Variants in LRP1 observed in about 807,000 individuals in gnomAD.
LRP1 encodes LDL receptor related protein 1, also known as prolow-density lipoprotein receptor-related protein 1.
In LRP1, 51 loss-of-function variants were observed where a neutral mutation model predicts 541.5. The observed-to-expected ratio is 0.09, with a 90% CI of 0.08 to 0.12. LRP1 has a LOEUF of 0.12. LRP1 is among the 10% of genes least tolerant of loss of function. LRP1 has a pLI of 1.00. For missense variants in LRP1, 3,878 were observed against 6,376.2 expected, an observed-to-expected ratio of 0.61 and a Z score of 13.34; for synonymous variants, 2,219 against 2,470.8, an observed-to-expected ratio of 0.90 and a Z score of 3.02.
chr12:57,171,376 A>G (rs1309579581), intron 20 of LRP1, among the ~76,000 whole-genome samples: 1 of 152,140 alleles, frequency 6.6e-6, no homozygotes, highest in Non-Finnish European at 1.5e-5. Context: ...TGGGGATGGC[A>G]TGGTCCGGAG....
chr12:57,211,678 C>A lies in LRP1; in HGVS notation c.13194-72C>A, dbSNP rs866935086. 10 of 1,274,704 alleles carry A rather than the reference C, an allele frequency of 7.8e-6. No homozygotes were observed. Among genetic ancestry groups the A allele is most frequent in the South Asian group, 4.8e-5 (4 of 83,308 alleles). 79.0% of individuals were successfully genotyped at this position (1,274,704 alleles called of 1,614,324 possible). A position where few individuals can be genotyped will look rare whatever the true frequency, so the allele number is the denominator to read the frequency against. ...GGACCGTCAGGCCTCAGTGCCCACC[C>A]CCCGCCCTGTTTTCCTGGCAGCAGT... On this transcript the variant is annotated intron_variant, in intron 85 of 88. Coordinates refer to ENST00000243077, the MANE Select transcript of LRP1 (RefSeq NM_002332.3). The surrounding 1 kb of genome is among the most constrained non-coding windows in gnomAD (Gnocchi z 4.3).
At chr12:57,193,850 C>T in intron 47 of LRP1, 49 bp from the exon 48 acceptor site, 1 of 1,597,516 alleles carries the variant, frequency 6.3e-7, no homozygotes, top group Non-Finnish European at 8.6e-7. Context: ...CCTTCTGGCC[C>T]CCACAGAGAA....
rs946968166 is a variant in LRP1 at position 57,194,870 on chromosome 12, GC to G, written c.8192-108del. On this transcript the variant is annotated intron_variant, in intron 50 of 88. Transcript: ENST00000243077. The stretch of plus-strand genomic sequence containing the variant: ...AGACTCTGCCTCTAGCTGCTGCTGA[GC>G]CCCCCCACAGAGGGGTGCTGTGGGC... The G allele has an allele frequency of 2.3e-4, 268 of 1,164,630 alleles. 1 individual carries two copies. In the Admixed American group the frequency reaches 3.4e-3, roughly 15 times the overall value. 72.1% of individuals were successfully genotyped at this position (1,164,630 alleles called of 1,614,324 possible). A position where few individuals can be genotyped will look rare whatever the true frequency, so the allele number is the denominator to read the frequency against.
Position 57,197,391 on chromosome 12 carries a change from A to G in LRP1, c.9162+7A>G, listed in dbSNP as rs895790149. ...CTACACGTTACTTAAGCAGGTACCA[A>G]ACCCAGGCCCTCCTCCCCGCTGCCC... On this transcript the variant is annotated splice_region_variant and intron_variant, in intron 57 of 88. Coordinates refer to ENST00000243077, the MANE Select transcript of LRP1 (RefSeq NM_002332.3). The surrounding 1 kb of genome is among the most constrained non-coding windows in gnomAD (Gnocchi z 4.5). 1 of 1,611,638 alleles carries G rather than the reference A, an allele frequency of 6.2e-7. No homozygotes were observed. Among genetic ancestry groups the G allele is most frequent in the Non-Finnish European group, 8.5e-7 (1 of 1,178,208 alleles).
intron 1 of LRP1, among the ~76,000 whole-genome samples, chr12:57,136,404 C>CA (rs953524745): frequency 6.7e-6 from 1 of 148,276 alleles, no homozygotes; most frequent in African/African-American, 2.5e-5. Flanking sequence ...AGCCCCCCCC[C>CA]CCCGCCATTT....
rs763369867 is a variant in LRP1 at position 57,198,469 on chromosome 12, C to T, written c.9475C>T (p.Leu3159=). 3.1e-6 allele frequency: 5 copies of T among 1,613,758 alleles called. No homozygotes were observed. In the African/African-American group the frequency reaches 5.3e-5, roughly 17 times the overall value. The part of the protein sequence containing the change: ...ALVVDVQNGY[L]YWTDWGDHSL... ...TCACTGCCTACCCATCGCCAGGTAC[C>T]TGTACTGGACAGACTGGGGTGACCA... Residue 3159 remains leucine (L), a synonymous_variant, in exon 60 of 89, where the codon CTG becomes TTG. Coordinates refer to ENST00000243077, the MANE Select transcript of LRP1 (RefSeq NM_002332.3).
Position 57,160,915 on chromosome 12 carries a change from G to A in LRP1, c.2002G>A (p.Glu668Lys), listed in dbSNP as rs1454535818. 2 of 1,613,882 alleles carry A rather than the reference G, an allele frequency of 1.2e-6. No individual in the cohort carries two copies. Among genetic ancestry groups the A allele is most frequent in the Non-Finnish European group, 1.7e-6 (2 of 1,180,000 alleles). The change falls in exon 13 of 89, where the codon GAG becomes AAG. Residue 668 changes from glutamate to lysine, a missense_variant. Glu to Lys is a moderately conservative substitution (Grantham distance 56). Transcript: ENST00000243077. ...LNGWMYWTDWEEDPKDSRRGR... is the reference protein window; with the variant it reads ...LNGWMYWTDWKEDPKDSRRGR... ...CAGGTGGATGTACTGGACAGACTGGGAGGAGGACCCCAAGGACAGTCGGCG... is the reference window on the plus strand; with the variant it reads ...CAGGTGGATGTACTGGACAGACTGGAAGGAGGACCCCAAGGACAGTCGGCG...
intron 6 of LRP1, among the ~76,000 whole-genome samples, chr12:57,153,576 G>A (rs1270489325): frequency 6.6e-6 from 1 of 152,170 alleles, no homozygotes; most frequent in Non-Finnish European, 1.5e-5. Context: ...AGGACATTGA[G>A]CAATAAGGAC....
At position 57,183,846 on chromosome 12, in the gene LRP1, C is replaced by T. The variant is rs765402939; in HGVS notation, c.5866C>T (p.Arg1956Cys). ...ISRAKRDQTW[R>C]EDVVTNGIGR... Reference sequence around the variant, plus strand: ...CCGGGCCAAGCGGGACCAGACGTGGCGTGAAGACGTGGTGACCAATGGCAT... The same window carrying T: ...CCGGGCCAAGCGGGACCAGACGTGGTGTGAAGACGTGGTGACCAATGGCAT... The change falls in exon 36 of 89, where the codon CGT becomes TGT. Residue 1956 changes from arginine (R) to cysteine (C), a missense_variant. Coordinates refer to ENST00000243077, the MANE Select transcript of LRP1 (RefSeq NM_002332.3). The surrounding 1 kb of genome is among the most constrained non-coding windows in gnomAD (Gnocchi z 6.1). The T allele has an allele frequency of 1.2e-6, 2 of 1,614,130 alleles. No homozygotes were observed. Among genetic ancestry groups the T allele is most frequent in the Non-Finnish European group, 1.7e-6 (2 of 1,180,036 alleles).
In LRP1 at chr12:57,199,399, C is replaced by T. The variant is rs202166796; in HGVS notation, c.9864C>T (p.Asp3288=). 147 of 1,607,310 alleles carry T rather than the reference C, an allele frequency of 9.1e-5. No individual in the cohort carries two copies. Among genetic ancestry groups the T allele is most frequent in the Non-Finnish European group, 7.9e-5 (93 of 1,177,558 alleles). Residue 3288 remains aspartate, a splice_region_variant and synonymous_variant, in exon 61 of 89, where the codon GAC becomes GAT. Transcript: ENST00000243077. ...LHVFHALRQP[D]VPNHPCKVNN... ...TCTTCCATGCCCTGCGCCAGCCAGA[C>T]GGTGAGCAGGCAAGGGGTGGGAGCA...
chr12:57,187,268 C>A lies in LRP1; in HGVS notation c.6843C>A (p.Asn2281Lys). ...DGSRRITIVE[N>K]VGSVEGLAYH... is the part of the protein sequence containing the mutation. ...ATCGCTGCTCCTGTCTCTTCACAGACGTGGGCTCCGTGGAAGGCCTGGCCT... is the reference window on the plus strand; with the variant it reads ...ATCGCTGCTCCTGTCTCTTCACAGAAGTGGGCTCCGTGGAAGGCCTGGCCT... The change falls in exon 42 of 89, where the codon AAC becomes AAA. Residue 2281 changes from asparagine to lysine, a missense_variant and splice_region_variant. Around this residue, in one of 13 missense-constraint regions of LRP1, gnomAD observed 1,100 missense variants for 1,827.4 expected, o/e 0.60. Transcript: ENST00000243077. The A allele has an allele frequency of 6.2e-7, 1 of 1,611,476 alleles. No individual in the cohort carries two copies. Among genetic ancestry groups the A allele is most frequent in the South Asian group, 1.1e-5 (1 of 90,634 alleles).
At position 57,156,180 on chromosome 12, in the gene LRP1, T is replaced by C. The variant is rs765132083; in HGVS notation, c.1314T>C (p.Ser438=). Residue 438 remains serine (S), a synonymous_variant, in exon 9 of 89, where the codon AGT becomes AGC. Coordinates refer to ENST00000243077, the MANE Select transcript of LRP1 (RefSeq NM_002332.3). The surrounding 1 kb of genome is among the most constrained non-coding windows in gnomAD (Gnocchi z 5.2). ...SDNANAQQKT[S]VIRVNRFNST... is the part of the protein sequence containing the mutation. Reference sequence around the variant, plus strand: ...ATGCCAATGCCCAGCAGAAGACGAGTGTGATCCGTGTGAACCGCTTTAACA... The same window carrying C: ...ATGCCAATGCCCAGCAGAAGACGAGCGTGATCCGTGTGAACCGCTTTAACA... The C allele has an allele frequency of 5.6e-6, 9 of 1,613,632 alleles. No individual in the cohort carries two copies. Among genetic ancestry groups the C allele is most frequent in the Non-Finnish European group, 7.6e-6 (9 of 1,179,962 alleles).
intron 68 of LRP1, 103 bp downstream of exon 68, chr12:57,202,640 C>T: frequency 7.7e-6 from 7 of 914,160 alleles, no homozygotes; most frequent in Middle Eastern, 6.4e-4. Flanking sequence ...GGCCACCTCC[C>T]AGGGTGGGGG....
rs2036526407 is a variant in LRP1, at chr12:57,196,088, G to A, written c.8703G>A (p.Glu2901=). The change falls in exon 55 of 89, where the codon GAG becomes GAA. Residue 2901 remains glutamate, a splice_region_variant and synonymous_variant. Coordinates refer to ENST00000243077, the MANE Select transcript of LRP1 (RefSeq NM_002332.3). ...APKNPHCTSQ[E]HKCNASSQFL... is the part of the protein sequence containing the mutation. ...CCTGCCGCCTCCGCCCCTCCGCAGA[G>A]CACAAGTGCAATGCCTCGTCACAGT... 6.2e-7 allele frequency: 1 copy of A among 1,607,664 alleles called. No homozygotes were observed. Among genetic ancestry groups the A allele is most frequent in the Non-Finnish European group, 8.5e-7 (1 of 1,175,396 alleles).
Position 57,212,655 on chromosome 12 carries a change from G to A in LRP1, c.*100G>A, listed in dbSNP as rs753683935. The A allele has an allele frequency of 1.6e-5, 20 of 1,234,300 alleles. No individual in the cohort carries two copies. The highest frequency in any genetic ancestry group is 6.1e-5 in the African/African-American group (4 of 65,910). 76.5% of individuals were successfully genotyped at this position (1,234,300 alleles called of 1,614,324 possible). A position where few individuals can be genotyped will look rare whatever the true frequency, so the allele number is the denominator to read the frequency against. On this transcript the variant is annotated 3_prime_UTR_variant, in exon 89 of 89. Coordinates refer to ENST00000243077, the MANE Select transcript of LRP1 (RefSeq NM_002332.3). This position sits in a 1 kb window ranked among gnomAD's most constrained non-coding sequence, Gnocchi z 5.0. ...CAGCCAGCCCTTCCCTGGCCCCGCC[G>A]GATGTATAAATGTAAAAATGAAGGA...
rs769435148 is a variant in LRP1, at chr12:57,210,115, C to A, written c.12526C>A (p.Arg4176=). The change falls in exon 81 of 89, where the codon CGG becomes AGG. Residue 4176 remains arginine (R), a synonymous_variant. Transcript: ENST00000243077. ...TGTCTGCACCTGTCCCAATGGGAAG[C>A]GGCTGGACAACGGCACATGCGTGCC... ...GPVCTCPNGK[R]LDNGTCVPVP... 1.2e-6 allele frequency: 2 copies of A among 1,613,414 alleles called. No homozygotes were observed. The highest frequency in any genetic ancestry group is 2.2e-5 in the East Asian group (1 of 44,884).
chr12:57,192,895 C>A lies in LRP1; in HGVS notation c.7480C>A (p.Leu2494Met), dbSNP rs748042150. The change falls in exon 45 of 89, where the codon CTG becomes ATG. Residue 2494 changes from leucine (L) to methionine (M), a missense_variant. By Grantham distance (15) the Leu-to-Met change is conservative. Transcript: ENST00000243077. ...INNGGCQDLCLLTHQGHVNCS... is the reference protein window; with the variant it reads ...INNGGCQDLCMLTHQGHVNCS... ...CAACGGTGGCTGCCAGGACCTGTGT[C>A]TGCTCACTCACCAGGGCCATGTCAA... The A allele has an allele frequency of 2.6e-5, 42 of 1,614,028 alleles. 1 individual carries two copies. The highest frequency in any genetic ancestry group is 5.3e-5 in the African/African-American group (4 of 74,926).
chr12:57,200,925 G>T, intron 64 of LRP1, 109 bp from the exon 65 acceptor site: 1 of 1,581,116 alleles, frequency 6.3e-7, no homozygotes, highest in Non-Finnish European at 8.7e-7. Flanking sequence ...TGCTCTCCAG[G>T]CTGGATTCCT....
Position 57,189,458 on chromosome 12 carries a change from A to C in LRP1, c.7032-1347A>C, listed in dbSNP as rs1430574686. Among the ~76,000 whole-genome samples, 1 of 152,184 alleles carries C rather than the reference A, an allele frequency of 6.6e-6. No homozygotes were observed. The highest frequency in any genetic ancestry group is 1.5e-5 in the Non-Finnish European group (1 of 68,022). On this transcript the variant is annotated intron_variant, in intron 42 of 88. Transcript: ENST00000243077. This position sits in a 1 kb window ranked among gnomAD's most constrained non-coding sequence, Gnocchi z 4.4. ...CCACCGCAAACCCCTGCTCTCCTCCAGGATGAGGCCCTTAAGATCAGAGCT... is the reference window on the plus strand; with the variant it reads ...CCACCGCAAACCCCTGCTCTCCTCCCGGATGAGGCCCTTAAGATCAGAGCT...
Sources: allele counts gnomAD v4.1 joint callset (sites outside exome capture counted in the v4.1 genomes callset), GRCh38; gene constraint gnomAD v4.1.1; regional missense constraint gnomAD v4.1.1; non-coding constraint Gnocchi (gnomAD v3.1); transcripts MANE v1.5; gene names NCBI Gene and HGNC (gene_info 2026-07-23, HGNC 2026-07-21).